CDH13: variants seen among roughly 807,000 people sequenced by gnomAD.
CDH13 encodes the protein cadherin-13.
In CDH13, 24 loss-of-function variants were observed where a neutral mutation model predicts 63.8. The ratio of observed to expected loss-of-function variants is 0.38; its 90% CI spans 0.27 to 0.53. CDH13 has a LOEUF of 0.53. Among genes scored for constraint, CDH13 ranks in the 20% least tolerant of loss-of-function variants. CDH13 has a pLI of 0.85. For missense variants in CDH13, 1,049 were observed against 903.1 expected (o/e 1.16, Z -2.07); for synonymous variants, 503 against 355.3 (o/e 1.42, Z -4.67).
At chr16:82,806,658 T>A (rs900983047) in intron 1 of CDH13, among the ~76,000 whole-genome samples, 6 of 150,664 alleles carry the variant, frequency 4.0e-5, no homozygotes, top group Admixed American at 3.9e-4. Context: ...GTGGGATTTT[T>A]GTTGTTGTTG....
intron 1 of CDH13, among the ~76,000 whole-genome samples, chr16:82,672,365 G>T (rs1913354744): frequency 6.6e-6 from 1 of 152,028 alleles, no homozygotes; most frequent in Non-Finnish European, 1.5e-5. Context: ...TCTCTATTTT[G>T]ATTTTATTCC....
intron 3 of CDH13, among the ~76,000 whole-genome samples, chr16:83,099,826 A>G (rs1420428520): frequency 6.6e-6 from 1 of 152,176 alleles, no homozygotes; most frequent in Non-Finnish European, 1.5e-5. Flanking sequence ...AGTGCTCAGC[A>G]TAGCGCCAGA....
At chr16:83,466,362 G>A (rs768275394) in intron 6 of CDH13, among the ~76,000 whole-genome samples, 18 of 152,112 alleles carry the variant, frequency 1.2e-4, no homozygotes, top group Admixed American at 2.0e-4. Flanking sequence ...AGAGTCTAGC[G>A]GCAATAAGCT....
At chr16:83,050,741 G>A (rs1186048532) in intron 3 of CDH13, among the ~76,000 whole-genome samples, 2 of 152,120 alleles carry the variant, frequency 1.3e-5, no homozygotes, top group Non-Finnish European at 2.9e-5. Flanking sequence ...GGGGTTAACT[G>A]TGTGTTTCTG....
chr16:82,912,481 T>A (rs1486852608), intron 2 of CDH13, among the ~76,000 whole-genome samples: 4 of 152,210 alleles, frequency 2.6e-5, no homozygotes, highest in Admixed American at 2.6e-4. Flanking sequence ...CCAGCTGGTG[T>A]AAAACCCTCT....
At chr16:83,223,667 T>C (rs1255145628) in intron 5 of CDH13, among the ~76,000 whole-genome samples, 1 of 152,182 alleles carries the variant, frequency 6.6e-6, no homozygotes, top group Non-Finnish European at 1.5e-5. Flanking sequence ...CCATCCAGTC[T>C]CACGCTGGTG....
intron 4 of CDH13, among the ~76,000 whole-genome samples, chr16:83,176,346 C>T (rs1364550755): frequency 6.6e-6 from 1 of 151,320 alleles, no homozygotes; most frequent in African/African-American, 2.4e-5. Context: ...CCTGTCTCTT[C>T]TAAAAATACA....
intron 10 of CDH13, among the ~76,000 whole-genome samples, chr16:83,703,399 G>T (rs1211042503): frequency 6.6e-6 from 1 of 152,210 alleles, no homozygotes; most frequent in African/African-American, 2.4e-5. Flanking sequence ...CCAACAATAG[G>T]AGGCTGGATA....
intron 4 of CDH13, among the ~76,000 whole-genome samples, chr16:83,192,370 TCTC>T (rs1291251398): frequency 3.9e-5 from 6 of 152,176 alleles, no homozygotes; most frequent in African/African-American, 7.2e-5. Context: ...TAAAGGGTCT[TCTC>T]CTGCCTTGAG....
intron 2 of CDH13, among the ~76,000 whole-genome samples, chr16:83,025,400 T>C (rs1216665352): frequency 6.6e-6 from 1 of 152,110 alleles, no homozygotes; most frequent in Non-Finnish European, 1.5e-5. Context: ...AAACTTACAA[T>C]CTTGGCAGAA....
At chr16:82,911,031 C>T (rs1220495668) in intron 2 of CDH13, among the ~76,000 whole-genome samples, 1 of 152,108 alleles carries the variant, frequency 6.6e-6, no homozygotes, top group African/African-American at 2.4e-5. Flanking sequence ...TCAGTACTGC[C>T]GCAGAGTAAG....
At chr16:83,092,392 C>G (rs901051182) in intron 3 of CDH13, among the ~76,000 whole-genome samples, 34 of 152,312 alleles carry the variant, frequency 2.2e-4, no homozygotes, top group Admixed American at 1.6e-3. Flanking sequence ...GTGATGGACA[C>G]ATTTTCATGA....
At chr16:83,159,669 T>C (rs2037362117) in intron 4 of CDH13, among the ~76,000 whole-genome samples, 1 of 152,220 alleles carries the variant, frequency 6.6e-6, no homozygotes, top group African/African-American at 2.4e-5. Flanking sequence ...GGATATAACT[T>C]TAATTTCTCA....
At chr16:82,822,555 G>C (rs2038052945) in intron 1 of CDH13, among the ~76,000 whole-genome samples, 1 of 152,188 alleles carries the variant, frequency 6.6e-6, no homozygotes, top group African/African-American at 2.4e-5. Flanking sequence ...GGAGTGCAGT[G>C]GTGCGATCAA....
intron 4 of CDH13, among the ~76,000 whole-genome samples, chr16:83,126,937 G>GA (rs2035837849): frequency 6.6e-6 from 1 of 152,088 alleles, no homozygotes; most frequent in South Asian, 2.1e-4. Flanking sequence ...GGGATGATGT[G>GA]AAAAAAAGAG....
chr16:83,224,626 C>G (rs1385952184), intron 5 of CDH13, among the ~76,000 whole-genome samples: 1 of 152,210 alleles, frequency 6.6e-6, no homozygotes, highest in Non-Finnish European at 1.5e-5. Context: ...GGAAGAATCT[C>G]GACTCTCCTA....
At chr16:83,766,761 G>T (rs75587498) in intron 11 of CDH13, among the ~76,000 whole-genome samples, 6,540 of 152,158 alleles carry the variant, frequency 0.043, 235 homozygotes, top group East Asian at 0.11. Flanking sequence ...CTTCTTAATT[G>T]TAATCCCCAC....
At chr16:83,273,480 A>G (rs545856455) in intron 5 of CDH13, among the ~76,000 whole-genome samples, 41 of 152,250 alleles carry the variant, frequency 2.7e-4, no homozygotes, top group African/African-American at 9.1e-4. Context: ...GCAAGTTCCC[A>G]TAGGTGGCAG....
chr16:83,250,574 C>T (rs140716386), intron 5 of CDH13, among the ~76,000 whole-genome samples: 285 of 152,146 alleles, frequency 1.9e-3, no homozygotes, highest in Non-Finnish European at 3.2e-3. Flanking sequence ...TGCACTGAGA[C>T]GCACCCAGTC....
Sources: gnomAD v4.1 joint callset for allele counts (sites outside exome capture counted in the v4.1 genomes callset) on GRCh38, gnomAD v4.1.1 for gene constraint, MANE v1.5 for transcripts, NCBI Gene and HGNC (gene_info 2026-07-23, HGNC 2026-07-21) for gene names.